The following NR3C1 variants were observed in gnomAD, a reference collection of about 807,000 sequenced individuals.
NR3C1 encodes glucocorticoid receptor.
NR3C1 carries 14 observed loss-of-function variants against 74.0 expected under a neutral mutation model. The ratio of observed to expected loss-of-function variants is 0.19; its 90% CI spans 0.12 to 0.30. The LOEUF (loss-of-function observed/expected upper bound fraction) is 0.30, where lower values mean the gene tolerates loss of function less well. NR3C1 is among the 10% of genes least tolerant of loss of function. NR3C1 has a pLI of 1.00. For missense variants in NR3C1, 695 were observed against 909.8 expected (o/e 0.76, Z 3.04); for synonymous variants, 308 against 332.5 (o/e 0.93, Z 0.80).
At chr5:143,335,714 T>C (rs1028762663) in intron 2 of NR3C1, among the ~76,000 whole-genome samples, 1 of 152,264 alleles carries the variant, frequency 6.6e-6, no homozygotes, top group Non-Finnish European at 1.5e-5. Flanking sequence ...TGTCAATAGA[T>C]ATTTTACATG....
At chr5:143,315,287 C>T (rs532180247) in intron 2 of NR3C1, among the ~76,000 whole-genome samples, 7 of 152,248 alleles carry the variant, frequency 4.6e-5, no homozygotes, top group South Asian at 2.1e-4. Flanking sequence ...TTTCCTCTTA[C>T]GTGCTGACTT....
chr5:143,303,320 A>G (rs1818902593), intron 4 of NR3C1, among the ~76,000 whole-genome samples: 1 of 151,996 alleles, frequency 6.6e-6, no homozygotes, highest in Non-Finnish European at 1.5e-5. Flanking sequence ...TAAAGCCATT[A>G]TTTGGAGTAA....
chr5:143,412,179 C>T (rs748171918), intron 1 of NR3C1, among the ~76,000 whole-genome samples: 2 of 142,668 alleles, frequency 1.4e-5, no homozygotes, highest in Non-Finnish European at 3.0e-5. Context: ...GTTGGCAGTT[C>T]TAGGATTTCA....
chr5:143,314,743 A>C (rs886187962), intron 2 of NR3C1, among the ~76,000 whole-genome samples: 1 of 152,136 alleles, frequency 6.6e-6, no homozygotes, highest in Admixed American at 6.5e-5. Flanking sequence ...ACAATCTTAA[A>C]GTTTTTGTCC....
At chr5:143,345,710 T>C (rs1244141418) in intron 2 of NR3C1, among the ~76,000 whole-genome samples, 3 of 152,232 alleles carry the variant, frequency 2.0e-5, no homozygotes, top group Non-Finnish European at 4.4e-5. Flanking sequence ...CTATGATCAC[T>C]ATCACTCACT....
chr5:143,349,922 A>T (rs963276433), intron 2 of NR3C1, among the ~76,000 whole-genome samples: 1 of 152,166 alleles, frequency 6.6e-6, no homozygotes, highest in African/African-American at 2.4e-5. Flanking sequence ...GAGATCAAGA[A>T]TGGGCCTGCA....
intron 2 of NR3C1, among the ~76,000 whole-genome samples, chr5:143,318,921 GAC>G (rs1822751974): frequency 6.6e-6 from 1 of 152,172 alleles, no homozygotes; most frequent in African/African-American, 2.4e-5. Context: ...TTAAGTGCAT[GAC>G]AGTGAATACA....
chr5:143,379,728 T>C (rs1009038127), intron 2 of NR3C1, among the ~76,000 whole-genome samples: 1 of 152,156 alleles, frequency 6.6e-6, no homozygotes, highest in Non-Finnish European at 1.5e-5. Context: ...TTTGTAACTC[T>C]AATGCTACTG....
chr5:143,359,597 T>C (rs1398837904), intron 2 of NR3C1, among the ~76,000 whole-genome samples: 1 of 152,170 alleles, frequency 6.6e-6, no homozygotes, highest in Non-Finnish European at 1.5e-5. Context: ...AAATACACAA[T>C]TCTGTCTTCG....
intron 2 of NR3C1, among the ~76,000 whole-genome samples, chr5:143,349,174 G>A (rs1173238860): frequency 6.6e-6 from 1 of 152,068 alleles, no homozygotes; most frequent in African/African-American, 2.4e-5. Context: ...TTCTTTCTTA[G>A]TTGCTTTGCT....
At chr5:143,291,734 T>C (rs1816002200) in intron 7 of NR3C1, among the ~76,000 whole-genome samples, 1 of 152,078 alleles carries the variant, frequency 6.6e-6, no homozygotes, top group African/African-American at 2.4e-5. Context: ...CACTGACTCT[T>C]TGCTTGGCTG....
At chr5:143,336,175 T>C (rs1195183221) in intron 2 of NR3C1, among the ~76,000 whole-genome samples, 4 of 152,242 alleles carry the variant, frequency 2.6e-5, no homozygotes, top group Non-Finnish European at 5.9e-5. Flanking sequence ...TATGATGATA[T>C]AATCTGTGAT....
chr5:143,414,518 G>A (rs1167138587), intron 1 of NR3C1, among the ~76,000 whole-genome samples: 3 of 152,162 alleles, frequency 2.0e-5, no homozygotes, highest in Admixed American at 6.5e-5. Context: ...ATTGAATGAT[G>A]TCCAGCATAT....
rs1277539229 is a variant in NR3C1 at position 143,400,177 on chromosome 5, T to A, written c.663A>T (p.Glu221Asp). The change falls in exon 2 of 9, where the codon GAA becomes GAT. Residue 221 changes from glutamate (E) to aspartate (D), a missense_variant. Physicochemically the swap from Glu to Asp is conservative, Grantham distance 45. Around this residue, in one of 4 missense-constraint regions of NR3C1, gnomAD observed 497 missense variants for 489.5 expected, o/e 1.02. Coordinates refer to ENST00000394464, the MANE Select transcript of NR3C1 (RefSeq NM_000176.3). Reference protein sequence around the residue: ...SPWRSDLLIDENCLLSPLAGE... With the variant: ...SPWRSDLLIDDNCLLSPLAGE... ...CCGCCAGAGGAGAAAGCAAACAGTT[T>A]TCATCTATCAACAGGTCTGATCTCC... The A allele has an allele frequency of 6.2e-7, 1 of 1,613,976 alleles. No homozygotes were observed.
At position 143,309,975 on chromosome 5, in the gene NR3C1, C is replaced by G. The variant is rs1408368570; in HGVS notation, c.1468+122G>C. ...TATTGGGCAGTAACATTATGCTAGT[C>G]AAGCATATATATACTGAACTGACTA... On this transcript the variant is annotated intron_variant, in intron 4 of 8. Coordinates refer to ENST00000394464, the MANE Select transcript of NR3C1 (RefSeq NM_000176.3). 7 of 759,380 alleles carry G rather than the reference C, an allele frequency of 9.2e-6. No individual in the cohort carries two copies. In the African/African-American group the frequency reaches 1.2e-4, roughly 13 times the overall value. 47.0% of individuals were successfully genotyped at this position (759,380 alleles called of 1,614,324 possible).
chr5:143,372,619 T>C (rs1834419141), intron 2 of NR3C1, among the ~76,000 whole-genome samples: 1 of 152,204 alleles, frequency 6.6e-6, no homozygotes, highest in Non-Finnish European at 1.5e-5. Flanking sequence ...TTGAAATCCT[T>C]TGCAAGGGTT....
At chr5:143,383,048 C>T (rs574135874) in intron 2 of NR3C1, among the ~76,000 whole-genome samples, 66 of 152,266 alleles carry the variant, frequency 4.3e-4, no homozygotes, top group South Asian at 2.9e-3. Context: ...GCTGAATGAA[C>T]GGAAAAATAT....
rs76940027 is a variant in NR3C1 at position 143,290,703 on chromosome 5, G to GA, written c.2023+4756dup. Among the ~76,000 whole-genome samples the GA allele has an allele frequency of 3.1e-4, 47 of 152,148 alleles. No homozygotes were observed. In the East Asian group the frequency reaches 8.7e-3, roughly 28 times the overall value. ...GTGCCTCAGCCTCCCGAGTAGCTAG[G>GA]ATAACAGGCATGCACCACCACACCC... On this transcript the variant is annotated intron_variant, in intron 7 of 8. Coordinates refer to ENST00000394464, the MANE Select transcript of NR3C1 (RefSeq NM_000176.3).
chr5:143,393,899 C>T (rs1174996065), intron 2 of NR3C1, among the ~76,000 whole-genome samples: 1 of 152,010 alleles, frequency 6.6e-6, no homozygotes, highest in Admixed American at 6.5e-5. Flanking sequence ...AGTAAGTTAA[C>T]ACTTTTTGCA....
Sources: allele counts gnomAD v4.1 joint callset (sites outside exome capture counted in the v4.1 genomes callset), GRCh38; gene constraint gnomAD v4.1.1; regional missense constraint gnomAD v4.1.1; transcripts MANE v1.5; gene names NCBI Gene and HGNC (gene_info 2026-07-23, HGNC 2026-07-21).